AGAP1: variants seen among roughly 807,000 people sequenced by gnomAD.
AGAP1 encodes ArfGAP with GTPase domain, ankyrin repeat and PH domain 1.
In AGAP1, 29 loss-of-function variants were observed where a neutral mutation model predicts 105.3. The ratio of observed to expected loss-of-function variants is 0.28; its 90% CI spans 0.21 to 0.38. AGAP1 has a LOEUF of 0.38. AGAP1 is among the 10% of genes least tolerant of loss of function. The probability of loss-of-function intolerance (pLI) is 1.00; values close to 1 mark genes in which losing one functional copy is unlikely to be tolerated. For missense variants in AGAP1, 998 were observed against 1,165.1 expected (o/e 0.86, Z 2.09); for synonymous variants, 509 against 485.9 (o/e 1.05, Z -0.63).
In AGAP1 at chr2:236,040,620, A is replaced by G; in HGVS notation, c.1801-131A>G. The G allele has an allele frequency of 1.5e-6, 1 of 663,636 alleles. No homozygotes were observed. Among genetic ancestry groups the G allele is most frequent in the South Asian group, 2.0e-5 (1 of 49,234 alleles). The allele number at this position is 663,636 out of a possible 1,614,324, so 41.1% of individuals were successfully genotyped here. The stretch of plus-strand genomic sequence containing the variant: ...TCTTTCCCAAAGACATCAAAACAAG[A>G]GTGATTGTTTAGAAATTACCCTCGT... On this transcript the variant is annotated intron_variant, in intron 14 of 17. Coordinates refer to ENST00000304032, the MANE Select transcript of AGAP1 (RefSeq NM_001037131.3). The surrounding 1 kb of genome is among the most constrained non-coding windows in gnomAD (Gnocchi z 5.6).
In AGAP1 at chr2:236,109,917, T is replaced by G. The variant is rs114825669; in HGVS notation, c.2115-10275T>G. On this transcript the variant is annotated intron_variant, in intron 16 of 17. Transcript: ENST00000304032. The surrounding 1 kb of genome is among the most constrained non-coding windows in gnomAD (Gnocchi z 5.4). ...TTCGTCAGAGACCAGAACCAAGTGT[T>G]AAGATGGCCAAAGGGAGAGCATGAG... 1.0e-3 allele frequency among the ~76,000 whole-genome samples: 153 copies of G among 152,302 alleles called. No individual in the cohort carries two copies. The highest frequency in any genetic ancestry group is 3.6e-3 in the African/African-American group (151 of 41,578).
intron 9 of AGAP1, among the ~76,000 whole-genome samples, chr2:235,857,609 A>T (rs980307557): frequency 2.0e-5 from 3 of 152,244 alleles, no homozygotes; most frequent in Non-Finnish European, 4.4e-5. Flanking sequence ...ATTGCATGTC[A>T]CATGTATACA....
At chr2:235,837,840 T>A (rs1259295718) in intron 9 of AGAP1, among the ~76,000 whole-genome samples, 1 of 151,980 alleles carries the variant, frequency 6.6e-6, no homozygotes, top group Non-Finnish European at 1.5e-5. Flanking sequence ...AAATTAAGCT[T>A]AAAAATAGAA....
At position 235,866,813 on chromosome 2, in the gene AGAP1, CGTGA is replaced by C. The variant is rs1175425873; in HGVS notation, c.1051-16528_1051-16525del. Among the ~76,000 whole-genome samples the C allele has an allele frequency of 1.3e-5, 2 of 152,170 alleles. No homozygotes were observed. Among genetic ancestry groups the C allele is most frequent in the Admixed American group, 6.5e-5 (1 of 15,278 alleles). On this transcript the variant is annotated intron_variant, in intron 9 of 17. Coordinates refer to ENST00000304032, the MANE Select transcript of AGAP1 (RefSeq NM_001037131.3). This position sits in a 1 kb window ranked among gnomAD's most constrained non-coding sequence, Gnocchi z 6.1. ...CCTGTGTCTTCACGTGGTCTTTCTC[CGTGA>C]GTGTCTGTGTCCTGATCTTTTCTAA... is the stretch of plus-strand genomic sequence containing the variant.
chr2:235,686,652 T>TAG (rs1949447160), intron 1 of AGAP1, among the ~76,000 whole-genome samples: 1 of 56,194 alleles, frequency 1.8e-5, no homozygotes, highest in Non-Finnish European at 3.1e-5. Flanking sequence ...TATAGATATA[T>TAG]ATATATATAT....
chr2:235,740,920 C>G lies in AGAP1; in HGVS notation c.311-43C>G, dbSNP rs761892788. On this transcript the variant is annotated intron_variant, in intron 3 of 17. Transcript: ENST00000304032. This position sits in a 1 kb window ranked among gnomAD's most constrained non-coding sequence, Gnocchi z 5.7. ...CCCACGTCTGTCTGCCCTCCTCACT[C>G]TCTGTTGTTCTCGTGTAACGAGATG... 1.2e-6 allele frequency: 2 copies of G among 1,613,384 alleles called. No individual in the cohort carries two copies. Among genetic ancestry groups the G allele is most frequent in the East Asian group, 2.2e-5 (1 of 44,888 alleles).
intron 9 of AGAP1, among the ~76,000 whole-genome samples, chr2:235,814,047 G>A (rs1462985291): frequency 1.3e-5 from 2 of 152,136 alleles, no homozygotes; most frequent in Admixed American, 6.5e-5. Flanking sequence ...TGCTTCTCTC[G>A]ACGCCCAGCC....
In AGAP1 at chr2:235,753,751, C is replaced by G. The variant is rs1953667600; in HGVS notation, c.673+3263C>G. ...TTTTATGGAATTTGAAAAGCAAATA[C>G]CTGTGAAGCTACAACTTCCGTGACT... On this transcript the variant is annotated intron_variant, in intron 6 of 17. Transcript: ENST00000304032. This position sits in a 1 kb window ranked among gnomAD's most constrained non-coding sequence, Gnocchi z 4.5. Among the ~76,000 whole-genome samples, 1 of 151,574 alleles carries G rather than the reference C, an allele frequency of 6.6e-6. No homozygotes were observed. The highest frequency in any genetic ancestry group is 1.5e-5 in the Non-Finnish European group (1 of 67,944).
At position 236,053,257 on chromosome 2, in the gene AGAP1, T is replaced by C. The variant is rs182603351; in HGVS notation, c.2114+3976T>C. On this transcript the variant is annotated intron_variant, in intron 16 of 17. Transcript: ENST00000304032. The surrounding 1 kb of genome is among the most constrained non-coding windows in gnomAD (Gnocchi z 4.6). ...AACAGTCGTGCGAACGTCTCCTGCA[T>C]GAATGAATGATTGAACGAGTAAATG... Among the ~76,000 whole-genome samples, 158 of 152,342 alleles carry C rather than the reference T, an allele frequency of 1.0e-3. No homozygotes were observed. The highest frequency in any genetic ancestry group is 3.8e-3 in the African/African-American group (158 of 41,582).
In AGAP1 at chr2:236,066,830, C is replaced by T. The variant is rs149484439; in HGVS notation, c.2114+17549C>T. 2.0e-3 allele frequency among the ~76,000 whole-genome samples: 302 copies of T among 152,212 alleles called. 1 individual carries two copies. The highest frequency in any genetic ancestry group is 6.9e-3 in the African/African-American group (286 of 41,512). ...GTTTATTCTCCCTGTTCAGAAGCAG[C>T]CATGAATCTGACATCTGTCAGGATA... On this transcript the variant is annotated intron_variant, in intron 16 of 17. Coordinates refer to ENST00000304032, the MANE Select transcript of AGAP1 (RefSeq NM_001037131.3).
rs1430564483 is a variant in AGAP1, at chr2:235,620,408, C to G, written c.164-88771C>G. On this transcript the variant is annotated intron_variant, in intron 1 of 17. Coordinates refer to ENST00000304032, the MANE Select transcript of AGAP1 (RefSeq NM_001037131.3). The surrounding 1 kb of genome is among the most constrained non-coding windows in gnomAD (Gnocchi z 4.5). ...GCCCTCTGCCAAAACCTCCTCCTGG[C>G]CCTCGCCTTCTGCCACTCTCCCCTT... is the stretch of plus-strand genomic sequence containing the variant. Among the ~76,000 whole-genome samples, 1 of 152,190 alleles carries G rather than the reference C, an allele frequency of 6.6e-6. No individual in the cohort carries two copies. The highest frequency in any genetic ancestry group is 1.5e-5 in the Non-Finnish European group (1 of 68,046).
chr2:235,499,964 T>C (rs1007480855), intron 1 of AGAP1, among the ~76,000 whole-genome samples: 1 of 152,180 alleles, frequency 6.6e-6, no homozygotes, highest in African/African-American at 2.4e-5. Flanking sequence ...GTTTATACGC[T>C]GCAGAAGTGA....
intron 10 of AGAP1, among the ~76,000 whole-genome samples, chr2:235,894,851 G>T (rs957936351): frequency 7.2e-5 from 11 of 152,180 alleles, no homozygotes; most frequent in African/African-American, 2.7e-4. Flanking sequence ...TGTGGTTTCC[G>T]ATTCTGCCGT....
At chr2:236,066,836 A>G (rs1324074885) in intron 16 of AGAP1, among the ~76,000 whole-genome samples, 1 of 152,102 alleles carries the variant, frequency 6.6e-6, no homozygotes, top group Non-Finnish European at 1.5e-5. Context: ...GCAGCCATGA[A>G]TCTGACATCT....
chr2:235,968,801 T>C (rs992733787), intron 13 of AGAP1, among the ~76,000 whole-genome samples, 178 bp downstream of exon 13: 1 of 152,202 alleles, frequency 6.6e-6, no homozygotes, highest in African/African-American at 2.4e-5. Context: ...TTCATCACTG[T>C]CTGATTCTCA....
chr2:236,010,197 G>A (rs565228721), intron 13 of AGAP1, among the ~76,000 whole-genome samples: 108 of 152,056 alleles, frequency 7.1e-4, no homozygotes, highest in African/African-American at 2.5e-3. Context: ...TCCTCATGTC[G>A]CAGGAACCCA....
At chr2:235,684,836 G>C (rs1949293186) in intron 1 of AGAP1, among the ~76,000 whole-genome samples, 2 of 152,178 alleles carry the variant, frequency 1.3e-5, no homozygotes, top group Non-Finnish European at 2.9e-5. Flanking sequence ...GTGACCAACA[G>C]GAGAGACTAT....
chr2:235,522,470 A>T (rs1164793780), intron 1 of AGAP1, among the ~76,000 whole-genome samples: 2 of 152,080 alleles, frequency 1.3e-5, no homozygotes, highest in African/African-American at 4.8e-5. Context: ...TGATGGTGGA[A>T]GTGAGGAAGG....
intron 1 of AGAP1, among the ~76,000 whole-genome samples, chr2:235,579,165 C>T (rs1033281200): frequency 1.3e-5 from 2 of 152,094 alleles, no homozygotes; most frequent in Non-Finnish European, 1.5e-5. Context: ...CGTATAAGGG[C>T]GCACTGTGTC....
Sources: gnomAD v4.1 joint callset for allele counts (sites outside exome capture counted in the v4.1 genomes callset) on GRCh38, gnomAD v4.1.1 for gene constraint, Gnocchi (gnomAD v3.1) non-coding constraint, MANE v1.5 for transcripts, NCBI Gene and HGNC (gene_info 2026-07-23, HGNC 2026-07-21) for gene names.